The following SERPINB11 variants were observed in gnomAD, a reference collection of about 807,000 sequenced individuals.
The protein encoded by SERPINB11 is serpin B11.
SERPINB11 carries 32 observed loss-of-function variants against 36.7 expected under a neutral mutation model. The observed-to-expected ratio is 0.87, with a 90% CI of 0.66 to 1.17. SERPINB11 has a LOEUF of 1.17. Ranked by LOEUF, SERPINB11 falls within the 50% of genes most tolerant of loss-of-function variation. The pLI is 0.00. For missense variants in SERPINB11, 528 were observed against 458.4 expected (o/e 1.15, Z -1.39); for synonymous variants, 174 against 168.1 (o/e 1.04, Z -0.27).
intron 6 of SERPINB11, chr18:63,720,380 A>C (rs1335565359): frequency 2.0e-6 from 1 of 504,436 alleles, no homozygotes; most frequent in Non-Finnish European, 3.4e-6. Context: ...TCTCTGGCAG[A>C]GGAGAAAACC....
At chr18:63,719,313 G>A (rs1488684700) in intron 5 of SERPINB11, among the ~76,000 whole-genome samples, 1 of 152,006 alleles carries the variant, frequency 6.6e-6, no homozygotes, top group African/African-American at 2.4e-5. Flanking sequence ...CACATGCTAG[G>A]ATTGTGTTAG....
chr18:63,719,533 C>A (rs118021369), intron 5 of SERPINB11, among the ~76,000 whole-genome samples: 1,867 of 152,080 alleles, frequency 0.012, 22 homozygotes, highest in African/African-American at 0.035. Flanking sequence ...TCTTGATTTT[C>A]AGATATGTGT....
At chr18:63,708,813 A>G (rs1914439944) in intron 1 of SERPINB11, among the ~76,000 whole-genome samples, 1 of 152,208 alleles carries the variant, frequency 6.6e-6, no homozygotes, top group East Asian at 1.9e-4. Flanking sequence ...GACTGTTCAT[A>G]GAGAAGAGGC....
Position 63,720,051 on chromosome 18 carries a change from C to T in SERPINB11, c.514C>T (p.Pro172Ser). 1.2e-6 allele frequency: 2 copies of T among 1,609,194 alleles called. No homozygotes were observed. The highest frequency in any genetic ancestry group is 1.7e-6 in the Non-Finnish European group (2 of 1,177,502). The change falls in exon 6 of 8, where the codon CCT becomes TCT. Residue 172 changes from proline to serine, a missense_variant. Coordinates refer to ENST00000544088, the MANE Select transcript of SERPINB11 (RefSeq NM_001370475.1). ...TCTCTTTGGAAAGAGCACAATTGAC[C>T]CTTCATCTGTAATGGTCCTGGTGAA... ...ANLFGKSTID[P>S]SSVMVLVNAI...
At chr18:63,715,264 A>G (rs1914638675) in intron 4 of SERPINB11, among the ~76,000 whole-genome samples, 2 of 152,154 alleles carry the variant, frequency 1.3e-5, no homozygotes, top group Admixed American at 1.3e-4. Flanking sequence ...GGGTCCATGT[A>G]GATATCACTG....
intron 6 of SERPINB11, chr18:63,720,567 G>T: frequency 2.5e-6 from 1 of 400,496 alleles, no homozygotes; most frequent in Non-Finnish European, 4.4e-6. Flanking sequence ...AATCATGTTA[G>T]CTAAAAATCC....
In SERPINB11 at chr18:63,723,041, C is replaced by G. The variant is rs771116684; in HGVS notation, c.821C>G (p.Ser274Cys). ...GGGACGTTTCATGAGTGGACAAGCT[C>G]TTCTAACATGATGGAAAGAGAAGTT... ...NSGTFHEWTS[S>C]SNMMEREVEV... The change falls in exon 8 of 8, where the codon TCT becomes TGT. Residue 274 changes from serine (S) to cysteine (C), a missense_variant. Coordinates refer to ENST00000544088, the MANE Select transcript of SERPINB11 (RefSeq NM_001370475.1). The G allele has an allele frequency of 1.2e-6, 2 of 1,600,708 alleles. No individual in the cohort carries two copies. The highest frequency in any genetic ancestry group is 1.7e-6 in the Non-Finnish European group (2 of 1,173,790).
At chr18:63,713,645 A>G in intron 4 of SERPINB11, among the ~76,000 whole-genome samples, 1 of 152,150 alleles carries the variant, frequency 6.6e-6, no homozygotes. Flanking sequence ...AGACATTCAG[A>G]GAGTATTTTC....
chr18:63,720,164 T>G lies in SERPINB11; in HGVS notation c.618+9T>G. ...CTTTTCAGCTAAGTGAGGTAAGTAT[T>G]TTATTTTCAGACTCATGACAAATGT... On this transcript the variant is annotated intron_variant, in intron 6 of 7. Coordinates refer to ENST00000544088, the MANE Select transcript of SERPINB11 (RefSeq NM_001370475.1). The G allele has an allele frequency of 6.3e-7, 1 of 1,592,018 alleles. No homozygotes were observed. Among genetic ancestry groups the G allele is most frequent in the Non-Finnish European group, 8.6e-7 (1 of 1,164,062 alleles).
chr18:63,720,581 CT>C (rs1914784345), intron 6 of SERPINB11: 1 of 403,518 alleles, frequency 2.5e-6, no homozygotes, highest in Admixed American at 4.2e-5. Context: ...AAAATCCTGA[CT>C]TTGTTTTTGG....
At chr18:63,720,359 G>T in intron 6 of SERPINB11, 2 of 540,706 alleles carry the variant, frequency 3.7e-6, no homozygotes, top group East Asian at 3.5e-5. Context: ...GGAGACTTGG[G>T]ATACTAAGAT....
intron 3 of SERPINB11, 124 bp from the exon 4 acceptor site, chr18:63,712,441 A>G (rs1914550212): frequency 2.1e-6 from 2 of 939,524 alleles, no homozygotes; most frequent in Non-Finnish European, 3.2e-6. Flanking sequence ...GCTTTAAACT[A>G]ATTTCCTTGT....
At chr18:63,714,783 A>G (rs908977045) in intron 4 of SERPINB11, among the ~76,000 whole-genome samples, 2 of 152,158 alleles carry the variant, frequency 1.3e-5, no homozygotes, top group Non-Finnish European at 2.9e-5. Flanking sequence ...TGCTTTACGA[A>G]CAATTTGTGC....
chr18:63,717,533 G>A (rs1914699956), intron 5 of SERPINB11, among the ~76,000 whole-genome samples: 1 of 151,984 alleles, frequency 6.6e-6, no homozygotes, highest in South Asian at 2.1e-4. Context: ...GCCAACACTT[G>A]GTAGTGTAAG....
intron 1 of SERPINB11, among the ~76,000 whole-genome samples, chr18:63,706,249 T>C (rs1199778536): frequency 2.0e-5 from 3 of 152,240 alleles, no homozygotes; most frequent in African/African-American, 7.2e-5. Context: ...TGGGTCATTA[T>C]TTTGAAAGTC....
intron 4 of SERPINB11, among the ~76,000 whole-genome samples, chr18:63,714,684 T>C (rs900903851): frequency 5.9e-5 from 9 of 152,286 alleles, no homozygotes; most frequent in Admixed American, 3.9e-4. Context: ...GGCAGCCAGA[T>C]CTAATGGTTA....
Position 63,723,301 on chromosome 18 carries a change from A to G in SERPINB11, c.1081A>G (p.Met361Val), listed in dbSNP as rs773214690. 1.9e-6 allele frequency: 3 copies of G among 1,613,824 alleles called. No individual in the cohort carries two copies. The highest frequency in any genetic ancestry group is 1.3e-5 in the African/African-American group (1 of 74,916). ...CAGCATCGCTGTAAAAAGCCTACCAATGAGAGCTCAGTTCAAGGCGAACCA... is the reference window on the plus strand; with the variant it reads ...CAGCATCGCTGTAAAAAGCCTACCAGTGAGAGCTCAGTTCAAGGCGAACCA... ...GDSIAVKSLP[M>V]RAQFKANHPF... Residue 361 changes from methionine (M) to valine (V), a missense_variant, in exon 8 of 8, where the codon ATG (methionine) becomes GTG (valine). By Grantham distance (21) the Met-to-Val change is conservative. Transcript: ENST00000544088.
Position 63,720,921 on chromosome 18 carries a change from C to T in SERPINB11, c.709C>T (p.Pro237Ser), listed in dbSNP as rs975116767. 3 of 1,606,926 alleles carry T rather than the reference C, an allele frequency of 1.9e-6. No individual in the cohort carries two copies. The highest frequency in any genetic ancestry group is 3.4e-5 in the Admixed American group (2 of 59,224). The change falls in exon 7 of 8, where the codon CCC becomes TCC. Residue 237 changes from proline to serine, a missense_variant. Physicochemically the swap from Pro to Ser is moderately conservative, Grantham distance 74. Coordinates refer to ENST00000544088, the MANE Select transcript of SERPINB11 (RefSeq NM_001370475.1). Reference protein sequence around the residue: ...KEPQMQVLELPYVNNKLSMII... With the variant: ...KEPQMQVLELSYVNNKLSMII... Reference sequence around the variant, plus strand: ...GCCGCAGATGCAAGTTCTTGAGCTGCCCTACGTTAACAACAAATTAAGCAT... The same window carrying T: ...GCCGCAGATGCAAGTTCTTGAGCTGTCCTACGTTAACAACAAATTAAGCAT...
In SERPINB11 at chr18:63,723,493, C is replaced by A. The variant is rs1356322455; in HGVS notation, c.*94C>A. On this transcript the variant is annotated 3_prime_UTR_variant, in exon 8 of 8. Coordinates refer to ENST00000544088, the MANE Select transcript of SERPINB11 (RefSeq NM_001370475.1). ...GCCAAAAAGCTGTTCACACCTCACA[C>A]ACCTCTGTGCCTCAGTTTGCTCATC... The A allele has an allele frequency of 2.6e-6, 3 of 1,171,266 alleles. No homozygotes were observed. In the Admixed American group the frequency reaches 7.1e-5, roughly 28 times the overall value. 72.6% of individuals were successfully genotyped at this position (1,171,266 alleles called of 1,614,324 possible). A position where few individuals can be genotyped will look rare whatever the true frequency, so the allele number is the denominator to read the frequency against.
Sources: gnomAD v4.1 joint callset for allele counts (sites outside exome capture counted in the v4.1 genomes callset) on GRCh38, gnomAD v4.1.1 for gene constraint, MANE v1.5 for transcripts, NCBI Gene and HGNC (gene_info 2026-07-23, HGNC 2026-07-21) for gene names.